METTL24: variants seen among roughly 807,000 people sequenced by gnomAD.
METTL24 encodes probable methyltransferase-like protein 24.
METTL24 carries 29 observed loss-of-function variants against 32.7 expected under a neutral mutation model. That is an observed-to-expected ratio of 0.89 (90% confidence interval 0.66 to 1.21). The LOEUF (loss-of-function observed/expected upper bound fraction) is 1.21, where lower values mean the gene tolerates loss of function less well. METTL24 is among the 50% of genes most tolerant of loss of function. The pLI is 0.00. For synonymous variants in METTL24, 163 were observed against 179.5 expected, an observed-to-expected ratio of 0.91 and a Z score of 0.73; for missense variants, 439 against 468.1, an observed-to-expected ratio of 0.94 and a Z score of 0.57.
At chr6:110,310,583 T>G (rs994343494) in intron 3 of METTL24, among the ~76,000 whole-genome samples, 1 of 152,222 alleles carries the variant, frequency 6.6e-6, no homozygotes, top group African/African-American at 2.4e-5. Context: ...ATGTATCTTT[T>G]CAGTGCCTTC....
chr6:110,340,446 G>A (rs1772332601), intron 1 of METTL24, among the ~76,000 whole-genome samples: 1 of 152,168 alleles, frequency 6.6e-6, no homozygotes, highest in South Asian at 2.1e-4. Context: ...CCCTGGCCAT[G>A]TCTTAACCTG....
intron 1 of METTL24, among the ~76,000 whole-genome samples, chr6:110,331,374 T>G (rs1772107232): frequency 6.6e-6 from 1 of 150,708 alleles, no homozygotes; most frequent in Admixed American, 6.6e-5. Context: ...AAAGAAATAA[T>G]GAGGCCAGGC....
chr6:110,254,467 A>C (rs1353002970), intron 4 of METTL24, among the ~76,000 whole-genome samples: 1 of 152,112 alleles, frequency 6.6e-6, no homozygotes. Context: ...TGCTGTCTCT[A>C]CTAAAAATAC....
chr6:110,307,623 G>A (rs1173949829), intron 3 of METTL24, among the ~76,000 whole-genome samples: 1 of 152,140 alleles, frequency 6.6e-6, no homozygotes, highest in Non-Finnish European at 1.5e-5. Context: ...ACTGCTTAAA[G>A]CTATTCATAT....
chr6:110,357,175 C>T (rs1772715365), intron 1 of METTL24, among the ~76,000 whole-genome samples: 1 of 152,156 alleles, frequency 6.6e-6, no homozygotes, highest in Non-Finnish European at 1.5e-5. Context: ...CTTTTCATTT[C>T]CATGTACGAC....
intron 4 of METTL24, among the ~76,000 whole-genome samples, chr6:110,278,136 A>C (rs1477202821): frequency 6.6e-6 from 1 of 152,080 alleles, no homozygotes. Flanking sequence ...ATGCTCTGTA[A>C]TTCTTTCAGG....
chr6:110,334,464 G>A (rs1772172170), intron 1 of METTL24, among the ~76,000 whole-genome samples: 2 of 152,114 alleles, frequency 1.3e-5, no homozygotes, highest in South Asian at 4.2e-4. Flanking sequence ...CGTGGCACAG[G>A]ACATTGACGG....
At chr6:110,247,579 A>T (rs1433233553) in intron 4 of METTL24, among the ~76,000 whole-genome samples, 1 of 152,238 alleles carries the variant, frequency 6.6e-6, no homozygotes, top group Non-Finnish European at 1.5e-5. Context: ...AGCTGACAGC[A>T]TTCAGACATA....
rs1284646336 is a variant in METTL24, at chr6:110,244,581, C to T, written c.*1365G>A. ...GGCGAGGCCTCAGGAAACTTACAGT[C>T]GTGGTGGAAGGGGAAGCAAACACAT... is the stretch of plus-strand genomic sequence containing the variant. On this transcript the variant is annotated 3_prime_UTR_variant, in exon 5 of 5. Transcript: ENST00000338882. Among the ~76,000 whole-genome samples, 1 of 152,026 alleles carries T rather than the reference C, an allele frequency of 6.6e-6. No individual in the cohort carries two copies. Among genetic ancestry groups the T allele is most frequent in the Non-Finnish European group, 1.5e-5 (1 of 68,008 alleles).
chr6:110,287,940 C>A (rs1012756211), intron 4 of METTL24, among the ~76,000 whole-genome samples: 1 of 152,118 alleles, frequency 6.6e-6, no homozygotes, highest in East Asian at 1.9e-4. Flanking sequence ...TGTGGCAGAC[C>A]AGCAGGGAAC....
At chr6:110,343,085 A>G (rs988762117) in intron 1 of METTL24, among the ~76,000 whole-genome samples, 3 of 152,140 alleles carry the variant, frequency 2.0e-5, no homozygotes, top group Non-Finnish European at 4.4e-5. Context: ...TTGCTGGGTC[A>G]TTTCTGAGCA....
intron 4 of METTL24, among the ~76,000 whole-genome samples, chr6:110,295,798 G>A (rs753568084): frequency 0.029 from 2,875 of 99,500 alleles, 109 homozygotes; most frequent in African/African-American, 0.084. Context: ...AGAAAGAAAG[G>A]AAGGAAGGAA....
rs561707339 is a variant in METTL24 at position 110,316,406 on chromosome 6, A to T, written c.418-925T>A. Reference sequence around the variant, plus strand: ...ATAAGGAAAATAAGTTCTGTGGCCAAGATATTTACCTTACTGAGCAACAGT... The same window carrying T: ...ATAAGGAAAATAAGTTCTGTGGCCATGATATTTACCTTACTGAGCAACAGT... On this transcript the variant is annotated intron_variant, in intron 2 of 4. Coordinates refer to ENST00000338882, the MANE Select transcript of METTL24 (RefSeq NM_001123364.3). 5.9e-5 allele frequency among the ~76,000 whole-genome samples: 9 copies of T among 152,346 alleles called. No homozygotes were observed. In the South Asian group the frequency reaches 1.7e-3, roughly 28 times the overall value.
chr6:110,300,891 C>T (rs1771506501), intron 3 of METTL24, among the ~76,000 whole-genome samples: 1 of 152,112 alleles, frequency 6.6e-6, no homozygotes, highest in Non-Finnish European at 1.5e-5. Context: ...GCATTTACAT[C>T]GTATTAGGTA....
At chr6:110,318,928 T>C (rs1375595169) in intron 2 of METTL24, among the ~76,000 whole-genome samples, 1 of 152,256 alleles carries the variant, frequency 6.6e-6, no homozygotes, top group Non-Finnish European at 1.5e-5. Flanking sequence ...AATTATGTTC[T>C]CTGTCTCTCT....
chr6:110,259,243 C>G (rs1311703018), intron 4 of METTL24, among the ~76,000 whole-genome samples: 1 of 152,158 alleles, frequency 6.6e-6, no homozygotes. Context: ...CAGACGGCAC[C>G]TGGAAAATCA....
chr6:110,312,162 C>T (rs569096478), intron 3 of METTL24, among the ~76,000 whole-genome samples: 6 of 152,174 alleles, frequency 3.9e-5, no homozygotes, highest in African/African-American at 1.4e-4. Flanking sequence ...CTTATCTTAT[C>T]CCAGTTAGAA....
At chr6:110,263,502 T>A (rs1770791134) in intron 4 of METTL24, among the ~76,000 whole-genome samples, 1 of 152,206 alleles carries the variant, frequency 6.6e-6, no homozygotes, top group Admixed American at 6.5e-5. Flanking sequence ...CATTTCATGC[T>A]CATGGGTAGG....
At chr6:110,307,130 T>A (rs1771640092) in intron 3 of METTL24, among the ~76,000 whole-genome samples, 1 of 152,222 alleles carries the variant, frequency 6.6e-6, no homozygotes, top group Non-Finnish European at 1.5e-5. Context: ...ATGTTGCCTG[T>A]GGTAAGCTAT....
Sources: allele counts gnomAD v4.1 joint callset (sites outside exome capture counted in the v4.1 genomes callset), GRCh38; gene constraint gnomAD v4.1.1; transcripts MANE v1.5; gene names NCBI Gene and HGNC (gene_info 2026-07-23, HGNC 2026-07-21).